Variants in SPIDR observed in about 807,000 individuals in gnomAD.
SPIDR encodes the protein scaffold protein involved in DNA repair.
In SPIDR, 93 loss-of-function variants were observed where a neutral mutation model predicts 104.6. The ratio of observed to expected loss-of-function variants is 0.89; its 90% CI spans 0.75 to 1.06. SPIDR has a LOEUF of 1.06. Among genes scored for constraint, SPIDR ranks in the 50% least tolerant of loss-of-function variants. The probability of loss-of-function intolerance (pLI) is 0.00; values close to 1 mark genes in which losing one functional copy is unlikely to be tolerated. For synonymous variants in SPIDR, 431 were observed against 416.9 expected (o/e 1.03, Z -0.41); for missense variants, 1,154 against 1,111.2 (o/e 1.04, Z -0.55).
At chr8:47,367,616 G>T (rs1178127528) in intron 5 of SPIDR, among the ~76,000 whole-genome samples, 1 of 152,206 alleles carries the variant, frequency 6.6e-6, no homozygotes. Flanking sequence ...GGGAATATGG[G>T]ACTAGAAAGA....
chr8:47,360,688 G>C (rs1271718832), intron 5 of SPIDR: 2 of 226,708 alleles, frequency 8.8e-6, no homozygotes, highest in Non-Finnish European at 1.5e-5. Flanking sequence ...CTGTTGTCCA[G>C]ATAAGTATGT....
intron 19 of SPIDR, among the ~76,000 whole-genome samples, 196 bp from the exon 20 acceptor site, chr8:47,735,111 G>GTGTGTGTGTGTGT (rs2086028657): frequency 1.5e-5 from 2 of 135,254 alleles, no homozygotes; most frequent in African/African-American, 5.9e-5. Flanking sequence ...TGTGTGTGTG[G>GTGTGTGTGTGTGT]GTGTGTGTGT....
intron 8 of SPIDR, among the ~76,000 whole-genome samples, chr8:47,503,538 G>C (rs552130155): frequency 2.0e-5 from 3 of 151,720 alleles, no homozygotes; most frequent in Non-Finnish European, 2.9e-5. Flanking sequence ...GTCTCTGCAC[G>C]TGAGATGGGT....
rs2154375335 is a variant in SPIDR, at chr8:47,509,787, T to C, written c.1097+69245T>C. On this transcript the variant is annotated intron_variant, in intron 8 of 19. Coordinates refer to ENST00000297423, the MANE Select transcript of SPIDR (RefSeq NM_001080394.4). The stretch of plus-strand genomic sequence containing the variant: ...CTACAACGTATATCTCTTGACTTCT[T>C]GTCCTCTTTTGTTACAACACAAATA... Among the ~76,000 whole-genome samples the C allele has an allele frequency of 1.3e-5, 2 of 152,320 alleles. 1 individual carries two copies. Among genetic ancestry groups the C allele is most frequent in the Middle Eastern group, 6.8e-3 (2 of 294 alleles).
intron 8 of SPIDR, among the ~76,000 whole-genome samples, chr8:47,528,671 T>G (rs1469406564): frequency 6.6e-6 from 1 of 151,850 alleles, no homozygotes; most frequent in African/African-American, 2.4e-5. Flanking sequence ...ATGCCTTCGA[T>G]GGGCTCATCA....
intron 19 of SPIDR, 84 bp from the exon 20 acceptor site, chr8:47,735,223 C>A: frequency 1.5e-6 from 2 of 1,379,264 alleles, no homozygotes; most frequent in Non-Finnish European, 1.0e-6. Flanking sequence ...GGGCCTTCCA[C>A]TCTGGCTCTC....
At chr8:47,582,049 T>G (rs970962137) in intron 8 of SPIDR, among the ~76,000 whole-genome samples, 1 of 152,132 alleles carries the variant, frequency 6.6e-6, no homozygotes, top group Non-Finnish European at 1.5e-5. Flanking sequence ...AAACCCTGTC[T>G]CTACTAAAAA....
chr8:47,332,851 G>GT (rs1292237483), intron 5 of SPIDR, among the ~76,000 whole-genome samples: 6 of 118,030 alleles, frequency 5.1e-5, no homozygotes, highest in Admixed American at 1.9e-4. Context: ...GGGGTTGTTT[G>GT]TTTTTTTCTT....
intron 8 of SPIDR, among the ~76,000 whole-genome samples, chr8:47,568,615 G>A (rs1454682307): frequency 6.6e-6 from 1 of 152,206 alleles, no homozygotes; most frequent in African/African-American, 2.4e-5. Flanking sequence ...GCAGGCAGCT[G>A]TCAGTCCACA....
At chr8:47,382,767 T>C (rs2154301170) in intron 5 of SPIDR, among the ~76,000 whole-genome samples, 1 of 152,320 alleles carries the variant, frequency 6.6e-6, no homozygotes, top group Middle Eastern at 3.4e-3. Flanking sequence ...TCCACCTCTT[T>C]AGAGAATTGT....
At chr8:47,469,881 C>G (rs1300945171) in intron 8 of SPIDR, among the ~76,000 whole-genome samples, 3 of 152,028 alleles carry the variant, frequency 2.0e-5, no homozygotes, top group Non-Finnish European at 4.4e-5. Flanking sequence ...AAGAAGAAAA[C>G]TACAAAACAT....
At chr8:47,511,083 G>C in intron 8 of SPIDR, 2 of 1,209,886 alleles carry the variant, frequency 1.7e-6, no homozygotes, top group Non-Finnish European at 2.5e-6. Context: ...CTTCCTTCAG[G>C]GTCCAGCTCT....
At chr8:47,575,564 G>A (rs1247101263) in intron 8 of SPIDR, among the ~76,000 whole-genome samples, 9 of 147,642 alleles carry the variant, frequency 6.1e-5, no homozygotes, top group East Asian at 4.1e-4. Context: ...GGAGAATGGC[G>A]TGAACCCGGG....
chr8:47,361,966 G>A (rs1379904081), intron 5 of SPIDR, among the ~76,000 whole-genome samples: 1 of 152,156 alleles, frequency 6.6e-6, no homozygotes, highest in Non-Finnish European at 1.5e-5. Context: ...GAGGCTCCAC[G>A]TGCTACACAT....
chr8:47,393,263 T>C (rs1169538681), intron 5 of SPIDR, among the ~76,000 whole-genome samples: 4 of 152,232 alleles, frequency 2.6e-5, no homozygotes, highest in African/African-American at 2.4e-5. Context: ...TCAAGTGTTA[T>C]TGCATCCTTT....
chr8:47,316,839 C>A (rs1412120870), intron 5 of SPIDR, among the ~76,000 whole-genome samples: 7 of 152,028 alleles, frequency 4.6e-5, no homozygotes, highest in African/African-American at 1.7e-4. Flanking sequence ...ATAAAACCTA[C>A]TGAAAAAAGT....
intron 8 of SPIDR, chr8:47,512,111 A>C: frequency 4.0e-6 from 2 of 498,520 alleles, no homozygotes; most frequent in Non-Finnish European, 3.7e-6. Context: ...ACCACCACGA[A>C]CTCTCTCAGC....
intron 5 of SPIDR, among the ~76,000 whole-genome samples, chr8:47,348,203 T>G (rs1025568165): frequency 1.3e-5 from 2 of 152,156 alleles, no homozygotes; most frequent in African/African-American, 4.8e-5. Flanking sequence ...TCCTTCACTT[T>G]TGAAGCTTAG....
intron 8 of SPIDR, among the ~76,000 whole-genome samples, chr8:47,523,482 G>A (rs16927307): frequency 0.1 from 15,180 of 152,198 alleles, 1,104 homozygotes; most frequent in African/African-American, 0.2. Flanking sequence ...AGCTGAATGT[G>A]GAGAGTGCAA....
Sources: gnomAD v4.1 joint callset for allele counts (sites outside exome capture counted in the v4.1 genomes callset) on GRCh38, gnomAD v4.1.1 for gene constraint, MANE v1.5 for transcripts, NCBI Gene and HGNC (gene_info 2026-07-23, HGNC 2026-07-21) for gene names.